B3GALT1: variants seen among roughly 807,000 people sequenced by gnomAD.
The protein encoded by B3GALT1 is UDP-Gal:betaGlcNAc beta 1,3-galactosyltransferase, polypeptide 1.
A neutral mutation model predicts 23.2 loss-of-function variants in B3GALT1; 10 were observed. The ratio of observed to expected loss-of-function variants is 0.43; its 90% CI spans 0.27 to 0.73. The LOEUF (loss-of-function observed/expected upper bound fraction) is 0.73. Among genes scored for constraint, B3GALT1 ranks in the 30% least tolerant of loss-of-function variants. B3GALT1 has a pLI of 0.21. For missense variants in B3GALT1, 299 were observed against 405.4 expected, an observed-to-expected ratio of 0.74 and a Z score of 2.25; for synonymous variants, 156 against 141.5, an observed-to-expected ratio of 1.10 and a Z score of -0.73.
intron 2 of B3GALT1, among the ~76,000 whole-genome samples, chr2:167,627,193 G>A (rs1395651142): frequency 5.9e-5 from 9 of 151,438 alleles, no homozygotes; most frequent in Admixed American, 5.9e-4. Flanking sequence ...TATAATGTTT[G>A]CTTTTTAAAA....
intron 1 of B3GALT1, among the ~76,000 whole-genome samples, chr2:167,483,602 A>G (rs1699587479): frequency 6.6e-6 from 1 of 152,170 alleles, no homozygotes; most frequent in South Asian, 2.1e-4. Flanking sequence ...TAGATGAAAA[A>G]CTGGCTTTTT....
intron 4 of B3GALT1, among the ~76,000 whole-genome samples, chr2:167,829,070 C>T (rs1158415876): frequency 6.6e-6 from 1 of 152,128 alleles, no homozygotes; most frequent in African/African-American, 2.4e-5. Flanking sequence ...CCAAATTGTC[C>T]AATACTGATT....
At chr2:167,450,681 T>C (rs1324130268) in intron 1 of B3GALT1, among the ~76,000 whole-genome samples, 1 of 152,222 alleles carries the variant, frequency 6.6e-6, no homozygotes, top group Admixed American at 6.5e-5. Flanking sequence ...TAGGCAATGA[T>C]CTTTTTTCAA....
At chr2:167,721,087 C>G (rs1285081362) in intron 3 of B3GALT1, among the ~76,000 whole-genome samples, 1 of 152,138 alleles carries the variant, frequency 6.6e-6, no homozygotes, top group African/African-American at 2.4e-5. Flanking sequence ...TTCTCTCTCT[C>G]TCACTCTTTC....
chr2:167,444,593 G>T (rs984283138), intron 1 of B3GALT1, among the ~76,000 whole-genome samples: 3 of 152,044 alleles, frequency 2.0e-5, no homozygotes, highest in Admixed American at 1.3e-4. Context: ...TTTTAGTCTT[G>T]GGAGGGTGCA....
chr2:167,484,705 TAGGTGG>T, intron 1 of B3GALT1, among the ~76,000 whole-genome samples: 1 of 152,234 alleles, frequency 6.6e-6, no homozygotes, highest in East Asian at 1.9e-4. Context: ...TTAGAGGCAA[TAGGTGG>T]CAAATGTTTC....
At chr2:167,760,259 A>G (rs1687879826) in intron 3 of B3GALT1, among the ~76,000 whole-genome samples, 1 of 152,210 alleles carries the variant, frequency 6.6e-6, no homozygotes, top group Non-Finnish European at 1.5e-5. Context: ...ACTAAAGTAA[A>G]AGGTCCCCTG....
intron 1 of B3GALT1, among the ~76,000 whole-genome samples, chr2:167,444,230 G>A (rs181499129): frequency 6.6e-6 from 1 of 152,170 alleles, no homozygotes; most frequent in East Asian, 1.9e-4. Context: ...CTTGATCATG[G>A]TGGATAAGCT....
intron 1 of B3GALT1, among the ~76,000 whole-genome samples, chr2:167,479,629 G>A (rs1699533882): frequency 6.6e-6 from 1 of 152,036 alleles, no homozygotes; most frequent in South Asian, 2.1e-4. Context: ...ATTCAGTCTT[G>A]CAATTTGAGG....
chr2:167,450,802 G>A (rs773594698), intron 1 of B3GALT1, among the ~76,000 whole-genome samples: 2 of 152,150 alleles, frequency 1.3e-5, no homozygotes, highest in Non-Finnish European at 2.9e-5. Context: ...CAAACTTTTA[G>A]ATTTCTTTTC....
chr2:167,558,863 T>C (rs892459125), intron 2 of B3GALT1, among the ~76,000 whole-genome samples: 2 of 152,178 alleles, frequency 1.3e-5, no homozygotes, highest in Non-Finnish European at 2.9e-5. Context: ...CTCTGTAGGC[T>C]CCACCTCTGG....
At chr2:167,383,321 G>C (rs934641399) in intron 1 of B3GALT1, among the ~76,000 whole-genome samples, 1 of 151,888 alleles carries the variant, frequency 6.6e-6, no homozygotes, top group Non-Finnish European at 1.5e-5. Flanking sequence ...TTCAAGAAAG[G>C]AGCTCCAAAG....
At chr2:167,644,256 G>A (rs1685705374) in intron 2 of B3GALT1, among the ~76,000 whole-genome samples, 2 of 152,130 alleles carry the variant, frequency 1.3e-5, no homozygotes, top group South Asian at 4.1e-4. Flanking sequence ...AGATGAATGT[G>A]TTTAACTAAG....
intron 1 of B3GALT1, among the ~76,000 whole-genome samples, chr2:167,385,779 T>A (rs751701854): frequency 6.6e-6 from 1 of 152,058 alleles, no homozygotes; most frequent in Non-Finnish European, 1.5e-5. Flanking sequence ...CTAGCACAGG[T>A]TTCTATCCAA....
intron 3 of B3GALT1, among the ~76,000 whole-genome samples, chr2:167,667,802 A>C (rs563931277): frequency 2.3e-3 from 356 of 152,254 alleles, no homozygotes; most frequent in Non-Finnish European, 4.0e-3. Context: ...GCTCCATCAG[A>C]TCCTTTAAGC....
At chr2:167,646,864 A>G (rs1294853545) in intron 2 of B3GALT1, among the ~76,000 whole-genome samples, 45 bp from the exon 3 acceptor site, 1 of 152,216 alleles carries the variant, frequency 6.6e-6, no homozygotes, top group Non-Finnish European at 1.5e-5. Context: ...TGCAGCATTT[A>G]TAAGATTTTA....
chr2:167,300,375 A>G (rs1001409681), intron 1 of B3GALT1, among the ~76,000 whole-genome samples: 5 of 152,196 alleles, frequency 3.3e-5, no homozygotes, highest in East Asian at 1.9e-4. Flanking sequence ...TACTAAATGT[A>G]TATATATATT....
At chr2:167,661,843 G>A (rs1398105965) in intron 3 of B3GALT1, among the ~76,000 whole-genome samples, 1 of 152,090 alleles carries the variant, frequency 6.6e-6, no homozygotes, top group Non-Finnish European at 1.5e-5. Flanking sequence ...TAAAACAGAT[G>A]CTTTCAGGTT....
intron 3 of B3GALT1, among the ~76,000 whole-genome samples, chr2:167,693,273 C>T (rs1299551536): frequency 6.6e-6 from 1 of 151,690 alleles, no homozygotes; most frequent in African/African-American, 2.4e-5. Context: ...GAGATAGAAA[C>T]AAAAAAAGAG....
Sources: allele counts gnomAD v4.1 joint callset (sites outside exome capture counted in the v4.1 genomes callset), GRCh38; gene constraint gnomAD v4.1.1; transcripts MANE v1.5; gene names NCBI Gene and HGNC (gene_info 2026-07-23, HGNC 2026-07-21).